UGT8: variants seen among roughly 807,000 people sequenced by gnomAD.
UGT8 encodes the protein 2-hydroxyacylsphingosine 1-beta-galactosyltransferase.
Under a neutral mutation model 40.5 loss-of-function variants are expected in UGT8, and 12 were observed. The observed-to-expected ratio is 0.30, with a 90% CI of 0.19 to 0.48. The LOEUF is 0.48. Among genes scored for constraint, UGT8 ranks in the 20% least tolerant of loss-of-function variants. UGT8 has a pLI of 0.99. For missense variants in UGT8, 513 were observed against 648.7 expected (o/e 0.79, Z 2.27); for synonymous variants, 224 against 240.4 (o/e 0.93, Z 0.63).
intron 1 of UGT8, among the ~76,000 whole-genome samples, chr4:114,608,946 A>G (rs1022102821): frequency 6.6e-6 from 1 of 152,216 alleles, no homozygotes; most frequent in Non-Finnish European, 1.5e-5. Context: ...CAATTAAATC[A>G]AAGCACCAGC....
rs755743614 is a variant in UGT8 at position 114,623,563 on chromosome 4, A to T, written c.683A>T (p.Lys228Met). Residue 228 changes from lysine (K) to methionine (M), a missense_variant, in exon 2 of 6, where the codon AAG (lysine) becomes ATG (methionine). Around this residue, in one of 3 missense-constraint regions of UGT8, gnomAD observed 335 missense variants for 444.8 expected, o/e 0.75. Transcript: ENST00000310836. ...IMQKYNLLPE[K>M]SMYDLVHGSS... ...CAGAAGTACAACCTGCTGCCAGAGA[A>T]GTCCATGTATGATTTGGTTCATGGG... is the stretch of plus-strand genomic sequence containing the variant. 14 of 1,613,994 alleles carry T rather than the reference A, an allele frequency of 8.7e-6. No individual in the cohort carries two copies. In the Admixed American group the frequency reaches 1.3e-4, roughly 15 times the overall value.
Position 114,630,937 on chromosome 4 carries a change from T to G in UGT8, c.822+7235T>G, listed in dbSNP as rs564466254. Among the ~76,000 whole-genome samples, 4 of 152,218 alleles carry G rather than the reference T, an allele frequency of 2.6e-5. No homozygotes were observed. In the East Asian group the frequency reaches 5.8e-4, roughly 22 times the overall value. On this transcript the variant is annotated intron_variant, in intron 2 of 5. Coordinates refer to ENST00000310836, the MANE Select transcript of UGT8 (RefSeq NM_001128174.3). ...CTCCTGACTCTGTGATTCTCATTTT[T>G]GAGGGAGTTTAAGGGAGAACTCTAG...
chr4:114,621,521 T>C (rs2126096589), intron 1 of UGT8, among the ~76,000 whole-genome samples: 1 of 152,308 alleles, frequency 6.6e-6, no homozygotes, highest in East Asian at 1.9e-4. Context: ...AAAACAATCT[T>C]TCTTTGGTAT....
intron 1 of UGT8, among the ~76,000 whole-genome samples, chr4:114,607,666 C>T (rs1730814828): frequency 6.6e-6 from 1 of 152,176 alleles, no homozygotes; most frequent in African/African-American, 2.4e-5. Context: ...GCTCAACTTC[C>T]TAACTCAGAT....
At chr4:114,599,461 G>A (rs868374890) in intron 1 of UGT8, among the ~76,000 whole-genome samples, 1 of 152,158 alleles carries the variant, frequency 6.6e-6, no homozygotes. Context: ...CCTTTACTCC[G>A]TCTTCCCCCT....
intron 1 of UGT8, among the ~76,000 whole-genome samples, chr4:114,619,072 A>G (rs1731611030): frequency 6.6e-6 from 1 of 152,102 alleles, no homozygotes; most frequent in African/African-American, 2.4e-5. Context: ...TTTTTCAAAA[A>G]TGTATTCTCT....
intron 1 of UGT8, among the ~76,000 whole-genome samples, chr4:114,620,386 C>T (rs1366377184): frequency 1.3e-5 from 2 of 152,180 alleles, no homozygotes; most frequent in Non-Finnish European, 2.9e-5. Context: ...TTCATATTTC[C>T]TTGTAAAATA....
At chr4:114,638,838 A>G (rs1416694429) in intron 2 of UGT8, among the ~76,000 whole-genome samples, 1 of 152,094 alleles carries the variant, frequency 6.6e-6, no homozygotes, top group Non-Finnish European at 1.5e-5. Context: ...CCTGACTGGT[A>G]TTTTTACATA....
intron 2 of UGT8, among the ~76,000 whole-genome samples, chr4:114,626,148 A>G (rs1347485684): frequency 6.6e-6 from 1 of 151,998 alleles, no homozygotes; most frequent in African/African-American, 2.4e-5. Context: ...GATGTGCAGT[A>G]CTCTTTCAGG....
intron 1 of UGT8, among the ~76,000 whole-genome samples, chr4:114,615,314 G>A (rs1348780358): frequency 6.6e-6 from 1 of 152,094 alleles, no homozygotes; most frequent in Non-Finnish European, 1.5e-5. Context: ...AATGCAGGGG[G>A]AAGGCATGTA....
rs574823053 is a variant in UGT8 at position 114,630,254 on chromosome 4, G to A, written c.822+6552G>A. Among the ~76,000 whole-genome samples, 7 of 152,192 alleles carry A rather than the reference G, an allele frequency of 4.6e-5. No homozygotes were observed. The South Asian group carries it at 1.5e-3, about 32-fold the overall frequency. ...TGTTCCTTGTACAAAATACCAAAAT[G>A]GAAAAACAGGGGCTTTTTTAGTCAA... On this transcript the variant is annotated intron_variant, in intron 2 of 5. Coordinates refer to ENST00000310836, the MANE Select transcript of UGT8 (RefSeq NM_001128174.3).
chr4:114,639,998 T>C (rs994066966), intron 2 of UGT8, among the ~76,000 whole-genome samples: 24 of 151,750 alleles, frequency 1.6e-4, no homozygotes, highest in Non-Finnish European at 3.1e-4. Context: ...TAAGATCTTA[T>C]AGATTGATAG....
chr4:114,665,659 AT>A lies in UGT8; in HGVS notation c.966-19del. 6.3e-7 allele frequency: 1 copy of A among 1,585,768 alleles called. No individual in the cohort carries two copies. Among genetic ancestry groups the A allele is most frequent in the Non-Finnish European group, 8.6e-7 (1 of 1,168,354 alleles). ...GTAAGGTTTGATTTTTAAAAGACTA[AT>A]TGTCTGGTGTACATTTTAGGTTTTC... On this transcript the variant is annotated intron_variant, in intron 3 of 5. Transcript: ENST00000310836.
At chr4:114,630,471 G>A (rs1732497560) in intron 2 of UGT8, among the ~76,000 whole-genome samples, 1 of 152,180 alleles carries the variant, frequency 6.6e-6, no homozygotes, top group Non-Finnish European at 1.5e-5. Context: ...GTAACTTACA[G>A]TGAGCCAAGA....
At chr4:114,647,668 T>G (rs1221707378) in intron 2 of UGT8, among the ~76,000 whole-genome samples, 1 of 152,140 alleles carries the variant, frequency 6.6e-6, no homozygotes, top group East Asian at 1.9e-4. Context: ...AATTAGCTCT[T>G]TCAAGCCTCA....
chr4:114,651,678 G>A (rs1733905010), intron 2 of UGT8, among the ~76,000 whole-genome samples: 1 of 152,040 alleles, frequency 6.6e-6, no homozygotes, highest in Non-Finnish European at 1.5e-5. Context: ...ATATTAATTT[G>A]TGGTACCCAG....
At chr4:114,652,106 A>G (rs1239958569) in intron 2 of UGT8, among the ~76,000 whole-genome samples, 1 of 152,156 alleles carries the variant, frequency 6.6e-6, no homozygotes, top group Non-Finnish European at 1.5e-5. Flanking sequence ...TAAATTTGGC[A>G]TAATTAGACA....
At chr4:114,604,107 A>G (rs1730595773) in intron 1 of UGT8, among the ~76,000 whole-genome samples, 1 of 152,122 alleles carries the variant, frequency 6.6e-6, no homozygotes, top group Non-Finnish European at 1.5e-5. Context: ...TCTCAGGACA[A>G]TCCATGCTTC....
intron 2 of UGT8, among the ~76,000 whole-genome samples, chr4:114,652,093 T>G (rs1354591119): frequency 6.6e-6 from 1 of 152,114 alleles, no homozygotes; most frequent in Non-Finnish European, 1.5e-5. Flanking sequence ...GAAGATAAAT[T>G]CTTAAATTTG....
Sources: gnomAD v4.1 joint callset for allele counts (sites outside exome capture counted in the v4.1 genomes callset) on GRCh38, gnomAD v4.1.1 for gene constraint, gnomAD v4.1.1 regional missense constraint, MANE v1.5 for transcripts, NCBI Gene and HGNC (gene_info 2026-07-23, HGNC 2026-07-21) for gene names.